Variants in NWD2 observed in about 807,000 individuals in gnomAD.
NWD2 encodes the protein NACHT and WD repeat domain-containing protein 2.
In NWD2, 37 loss-of-function variants were observed where a neutral mutation model predicts 132.7. The ratio of observed to expected loss-of-function variants is 0.28; its 90% confidence interval spans 0.21 to 0.37. The LOEUF is 0.37. Among genes scored for constraint, NWD2 ranks in the 10% least tolerant of loss-of-function variants. NWD2 has a pLI of 1.00. For synonymous variants in NWD2, 705 were observed against 803.0 expected, an observed-to-expected ratio of 0.88 and a Z score of 2.06; for missense variants, 1,592 against 2,122.4, an observed-to-expected ratio of 0.75 and a Z score of 4.91.
intron 1 of NWD2, among the ~76,000 whole-genome samples, chr4:37,258,029 A>G (rs1405837545): frequency 6.6e-6 from 1 of 152,244 alleles, no homozygotes; most frequent in Non-Finnish European, 1.5e-5. Context: ...GTTGCTTTAA[A>G]CCTACATAAA....
At chr4:37,370,252 AG>A (rs1267601098) in intron 3 of NWD2, among the ~76,000 whole-genome samples, 2 of 152,216 alleles carry the variant, frequency 1.3e-5, no homozygotes, top group African/African-American at 4.8e-5. Context: ...ATTTCTGCTT[AG>A]TTCAGCATTT....
chr4:37,372,537 T>C (rs1369563977), intron 3 of NWD2, among the ~76,000 whole-genome samples: 1 of 152,232 alleles, frequency 6.6e-6, no homozygotes, highest in Non-Finnish European at 1.5e-5. Flanking sequence ...AATGCAGATA[T>C]GTTCATGTCA....
intron 1 of NWD2, among the ~76,000 whole-genome samples, chr4:37,304,634 C>T (rs1718672110): frequency 1.3e-5 from 2 of 152,200 alleles, no homozygotes; most frequent in Non-Finnish European, 2.9e-5. Flanking sequence ...AGGCCTCATG[C>T]AAGTCTGAAA....
intron 1 of NWD2, among the ~76,000 whole-genome samples, chr4:37,312,187 G>A (rs201378363): frequency 0.046 from 6,883 of 151,204 alleles, 473 homozygotes; most frequent in African/African-American, 0.14. Context: ...TAGCTTGATG[G>A]GGATGGCATT....
At chr4:37,366,804 A>G (rs1720107922) in intron 3 of NWD2, among the ~76,000 whole-genome samples, 2 of 152,172 alleles carry the variant, frequency 1.3e-5, no homozygotes, top group African/African-American at 4.8e-5. Flanking sequence ...ATATTTCTAT[A>G]TTTCTATGCA....
intron 1 of NWD2, among the ~76,000 whole-genome samples, chr4:37,256,909 G>C (rs185015564): frequency 6.6e-6 from 1 of 152,068 alleles, no homozygotes; most frequent in Non-Finnish European, 1.5e-5. Context: ...TAGAAATTTG[G>C]GGCTCTCTTA....
chr4:37,259,454 A>T (rs1717586113), intron 1 of NWD2, among the ~76,000 whole-genome samples: 2 of 152,218 alleles, frequency 1.3e-5, no homozygotes. Context: ...CCTAAGAAAC[A>T]GTGAAGAGGA....
At chr4:37,387,758 T>C (rs1419346943) in intron 3 of NWD2, among the ~76,000 whole-genome samples, 1 of 141,806 alleles carries the variant, frequency 7.1e-6, no homozygotes, top group African/African-American at 2.7e-5. Context: ...CACTGCAACC[T>C]CTGTCTTCCA....
At chr4:37,357,265 A>G (rs1162491793) in intron 3 of NWD2, among the ~76,000 whole-genome samples, 4 of 152,316 alleles carry the variant, frequency 2.6e-5, no homozygotes, top group South Asian at 2.1e-4. Flanking sequence ...TAAAATTACC[A>G]GTGAGTGCTA....
intron 3 of NWD2, among the ~76,000 whole-genome samples, chr4:37,418,980 C>T (rs1367925366): frequency 6.6e-6 from 1 of 151,786 alleles, no homozygotes; most frequent in Admixed American, 6.6e-5. Flanking sequence ...GGAGGCATCA[C>T]GCTACCTGAC....
At chr4:37,335,296 TGGGCGGGGGGGGGGG>T (rs1719379570) in intron 2 of NWD2, among the ~76,000 whole-genome samples, 2 of 2,994 alleles carry the variant, frequency 6.7e-4, no homozygotes, top group African/African-American at 1.2e-3. Flanking sequence ...GACTGGGGGG[TGGGCGGGGGGGGGGG>T]GCTTAAATTG....
In NWD2 at chr4:37,438,889, C is replaced by T. The variant is rs1366161174; in HGVS notation, c.795C>T (p.Asn265=). The part of the protein sequence containing the change: ...KCVCYIRKIA[N]IERFVKIPEM... ...TTTGCTACATTAGGAAAATTGCTAA[C>T]ATTGAGCGCTTTGTGAAAATCCCAG... Residue 265 remains asparagine (N), a synonymous_variant, in exon 6 of 7, where the codon AAC becomes AAT. Transcript: ENST00000309447. 4 of 1,551,856 alleles carry T rather than the reference C, an allele frequency of 2.6e-6. No individual in the cohort carries two copies. The South Asian group carries it at 4.8e-5, about 18-fold the overall frequency.
chr4:37,249,541 G>A (rs1040375482), intron 1 of NWD2, among the ~76,000 whole-genome samples: 9 of 152,262 alleles, frequency 5.9e-5, no homozygotes, highest in Admixed American at 3.3e-4. Flanking sequence ...GCAATTTTAC[G>A]AGAAAGAAAG....
intron 2 of NWD2, among the ~76,000 whole-genome samples, chr4:37,337,750 A>T (rs1719439682): frequency 6.6e-6 from 1 of 152,092 alleles, no homozygotes; most frequent in Non-Finnish European, 1.5e-5. Context: ...CTTTGCATCA[A>T]CATCTCCAGC....
intron 2 of NWD2, among the ~76,000 whole-genome samples, chr4:37,333,701 A>G (rs1719339398): frequency 6.6e-6 from 1 of 152,158 alleles, no homozygotes; most frequent in African/African-American, 2.4e-5. Context: ...CATCCAGGAA[A>G]ACATGATCTC....
intron 1 of NWD2, among the ~76,000 whole-genome samples, chr4:37,296,658 G>A (rs1357081310): frequency 2.0e-5 from 3 of 152,092 alleles, no homozygotes; most frequent in Non-Finnish European, 4.4e-5. Context: ...TAGACATACA[G>A]AGTGATATAA....
At chr4:37,385,462 T>C (rs1720540038) in intron 3 of NWD2, among the ~76,000 whole-genome samples, 1 of 152,236 alleles carries the variant, frequency 6.6e-6, no homozygotes, top group Non-Finnish European at 1.5e-5. Context: ...TGAAACTTGC[T>C]GCTCAAGAGG....
At chr4:37,305,444 C>T (rs1718693296) in intron 1 of NWD2, among the ~76,000 whole-genome samples, 1 of 152,212 alleles carries the variant, frequency 6.6e-6, no homozygotes, top group South Asian at 2.1e-4. Flanking sequence ...GCAAATTTTC[C>T]AAACTTTTAT....
intron 3 of NWD2, among the ~76,000 whole-genome samples, chr4:37,394,913 A>AGT (rs1275947541): frequency 7.3e-4 from 101 of 138,376 alleles, no homozygotes; most frequent in African/African-American, 2.5e-3. Flanking sequence ...CCTGGGTTCC[A>AGT]GTGATTCCTC....
Sources: gnomAD v4.1 joint callset for allele counts (sites outside exome capture counted in the v4.1 genomes callset) on GRCh38, gnomAD v4.1.1 for gene constraint, MANE v1.5 for transcripts, NCBI Gene and HGNC (gene_info 2026-07-23, HGNC 2026-07-21) for gene names.